SUGT1: variants seen among roughly 807,000 people sequenced by gnomAD.
SUGT1 encodes the protein protein SGT1 homolog.
SUGT1 carries 15 observed loss-of-function variants against 56.1 expected under a neutral mutation model. The observed-to-expected ratio is 0.27, with a 90% CI of 0.18 to 0.41. The LOEUF (loss-of-function observed/expected upper bound fraction) is 0.41, where lower values mean the gene tolerates loss of function less well. SUGT1 is among the 10% of genes least tolerant of loss of function. The probability of loss-of-function intolerance (pLI) is 1.00; values close to 1 mark genes in which losing one functional copy is unlikely to be tolerated. For synonymous variants in SUGT1, 123 were observed against 128.6 expected, an observed-to-expected ratio of 0.96 and a Z score of 0.30; for missense variants, 347 against 382.2, an observed-to-expected ratio of 0.91 and a Z score of 0.77.
chr13:52,687,507 CTTG>C (rs1963643876), intron 12 of SUGT1: 1 of 262,180 alleles, frequency 3.8e-6, no homozygotes, highest in Admixed American at 5.4e-5. Context: ...TTTTATGGAA[CTTG>C]TTAACCTCTG....
chr13:52,685,896 A>G (rs2138178789), intron 12 of SUGT1, among the ~76,000 whole-genome samples: 1 of 152,264 alleles, frequency 6.6e-6, no homozygotes, highest in Middle Eastern at 3.4e-3. Flanking sequence ...TGTAAACCAA[A>G]TCCACAACTG....
chr13:52,686,627 G>C lies in SUGT1; in HGVS notation c.901-1107G>C, dbSNP rs538702038. Among the ~76,000 whole-genome samples, 11 of 152,290 alleles carry C rather than the reference G, an allele frequency of 7.2e-5. No homozygotes were observed. In the East Asian group the frequency reaches 2.1e-3, roughly 29 times the overall value. Reference sequence around the variant, plus strand: ...CTCGGTAGAGCGTGTCGGACATGGGGTTACATTGAGGTTCCAATGTGTAGG... The same window carrying C: ...CTCGGTAGAGCGTGTCGGACATGGGCTTACATTGAGGTTCCAATGTGTAGG... On this transcript the variant is annotated intron_variant, in intron 12 of 12. Transcript: ENST00000310528.
At chr13:52,660,239 T>TA (rs1056901527) in intron 5 of SUGT1, among the ~76,000 whole-genome samples, 10 of 152,176 alleles carry the variant, frequency 6.6e-5, no homozygotes, top group African/African-American at 2.4e-4. Flanking sequence ...TATGTTATGA[T>TA]AGAGTTTTAT....
chr13:52,685,341 T>TGCCTTGTCCTCCC, intron 12 of SUGT1, among the ~76,000 whole-genome samples: 1 of 149,920 alleles, frequency 6.7e-6, no homozygotes, highest in Non-Finnish European at 1.5e-5. Flanking sequence ...GCAGTCCTCC[T>TGCCTTGTCCTCCC]GCCTTGTCCT....
chr13:52,680,163 T>C lies in SUGT1; in HGVS notation c.900+8T>C. ...GCCATGAACAAATCCTTTGTAAGAATATAAACTTAAAGAAATATATATGGG... is the reference window on the plus strand; with the variant it reads ...GCCATGAACAAATCCTTTGTAAGAACATAAACTTAAAGAAATATATATGGG... On this transcript the variant is annotated splice_region_variant and intron_variant, in intron 12 of 12. Transcript: ENST00000310528. The C allele has an allele frequency of 1.3e-6, 2 of 1,554,664 alleles. No homozygotes were observed. The highest frequency in any genetic ancestry group is 1.7e-6 in the Non-Finnish European group (2 of 1,161,086).
intron 10 of SUGT1, among the ~76,000 whole-genome samples, chr13:52,669,921 C>G (rs1962862794): frequency 6.6e-6 from 1 of 152,146 alleles, no homozygotes; most frequent in African/African-American, 2.4e-5. Context: ...TTCGTGGACA[C>G]TTAAGAGACA....
intron 12 of SUGT1, 39 bp from the exon 13 acceptor site, chr13:52,687,695 A>G (rs745978253): frequency 6.8e-6 from 10 of 1,463,212 alleles, no homozygotes; most frequent in Middle Eastern, 3.6e-4. Flanking sequence ...TTTTGATTAT[A>G]TGGTCCAGGA....
At chr13:52,660,792 C>G (rs1252647403) in intron 5 of SUGT1, among the ~76,000 whole-genome samples, 1 of 152,138 alleles carries the variant, frequency 6.6e-6, no homozygotes, top group Non-Finnish European at 1.5e-5. Context: ...TCATACCATT[C>G]TCTACATTTT....
In SUGT1 at chr13:52,695,586, T is replaced by G. The variant is rs528098285; in HGVS notation, c.*7751T>G. On this transcript the variant is annotated 3_prime_UTR_variant, in exon 13 of 13. Coordinates refer to ENST00000310528, the MANE Select transcript of SUGT1 (RefSeq NM_006704.5). ...TTTATTTTTTCCCCTCAGTCCTGTT[T>G]AGTGTTGAAATTCTTCAAAGGAGGG... The G allele has an allele frequency of 6.6e-6, 1 of 152,350 alleles. No homozygotes were observed. Among genetic ancestry groups the G allele is most frequent in the East Asian group, 1.9e-4 (1 of 5,188 alleles). 9.4% of individuals were successfully genotyped at this position (152,350 alleles called of 1,614,324 possible).
rs1280345257 is a variant in SUGT1, at chr13:52,699,460, AG to A, written c.*11627del. On this transcript the variant is annotated 3_prime_UTR_variant, in exon 13 of 13. Transcript: ENST00000310528. ...CGATGATGCCTGTTTAATTACCCATAGGTGCTAAGTGAATGTTAAAAATTAC... is the reference window on the plus strand; with the variant it reads ...CGATGATGCCTGTTTAATTACCCATAGTGCTAAGTGAATGTTAAAAATTAC... 8 of 152,212 alleles carry A rather than the reference AG, an allele frequency of 5.3e-5. No homozygotes were observed. The highest frequency in any genetic ancestry group is 1.9e-4 in the African/African-American group (8 of 41,466). The allele number at this position is 152,212 out of a possible 1,614,324, so 9.4% of individuals were successfully genotyped here.
At chr13:52,683,386 T>A (rs1396656676) in intron 12 of SUGT1, among the ~76,000 whole-genome samples, 5 of 152,204 alleles carry the variant, frequency 3.3e-5, no homozygotes, top group Non-Finnish European at 5.9e-5. Flanking sequence ...TTTTTCTTCC[T>A]TAGCCTGTTA....
In SUGT1 at chr13:52,690,524, G is replaced by A. The variant is rs1963747157; in HGVS notation, c.*2689G>A. The A allele has an allele frequency of 6.6e-6, 1 of 152,074 alleles. No homozygotes were observed. Among genetic ancestry groups the A allele is most frequent in the Admixed American group, 6.6e-5 (1 of 15,258 alleles). The allele number at this position is 152,074 out of a possible 1,614,324, so 9.4% of individuals were successfully genotyped here. Reference sequence around the variant, plus strand: ...TGGAATACATGTTTTTCTTGGTCTTGTAGACTTCATCTCTTCTGATTTCCA... The same window carrying A: ...TGGAATACATGTTTTTCTTGGTCTTATAGACTTCATCTCTTCTGATTTCCA... On this transcript the variant is annotated 3_prime_UTR_variant, in exon 13 of 13. Coordinates refer to ENST00000310528, the MANE Select transcript of SUGT1 (RefSeq NM_006704.5).
Position 52,692,127 on chromosome 13 carries a change from T to A in SUGT1, c.*4292T>A, listed in dbSNP as rs1963797827. ...ACTGTGTACTAGCATTTCTTATGGA[T>A]TGGGTGGCATTATCTCATTTTTAAT... On this transcript the variant is annotated 3_prime_UTR_variant, in exon 13 of 13. Transcript: ENST00000310528. 6.6e-6 allele frequency: 1 copy of A among 152,174 alleles called. No individual in the cohort carries two copies. The highest frequency in any genetic ancestry group is 2.4e-5 in the African/African-American group (1 of 41,430). The allele number at this position is 152,174 out of a possible 1,614,324, so 9.4% of individuals were successfully genotyped here. A position where few individuals can be genotyped will look rare whatever the true frequency, so the allele number is the denominator to read the frequency against.
chr13:52,684,613 A>G (rs947864482), intron 12 of SUGT1, among the ~76,000 whole-genome samples: 85 of 152,138 alleles, frequency 5.6e-4, no homozygotes, highest in African/African-American at 2.0e-3. Context: ...ATCGTGGCTC[A>G]GTGCAGCCTT....
At position 52,699,343 on chromosome 13, in the gene SUGT1, T is replaced by TA. The variant is rs994946417; in HGVS notation, c.*11509dup. ...CAAAACACTTTTATCACTGCTAAGA[T>TA]ATTACTAGAACTGAGCAGAGAAATA... On this transcript the variant is annotated 3_prime_UTR_variant, in exon 13 of 13. Coordinates refer to ENST00000310528, the MANE Select transcript of SUGT1 (RefSeq NM_006704.5). 5.9e-5 allele frequency: 9 copies of TA among 152,166 alleles called. No individual in the cohort carries two copies. Among genetic ancestry groups the TA allele is most frequent in the African/African-American group, 2.2e-4 (9 of 41,430 alleles). The allele number at this position is 152,166 out of a possible 1,614,324, so 9.4% of individuals were successfully genotyped here. A position where few individuals can be genotyped will look rare whatever the true frequency, so the allele number is the denominator to read the frequency against.
chr13:52,667,325 A>G (rs1962749220), intron 10 of SUGT1, among the ~76,000 whole-genome samples: 1 of 152,194 alleles, frequency 6.6e-6, no homozygotes, highest in Non-Finnish European at 1.5e-5. Context: ...ACTACAAGAA[A>G]GATGAATCTG....
intron 10 of SUGT1, among the ~76,000 whole-genome samples, chr13:52,667,586 T>A (rs74238280): frequency 0.058 from 8,310 of 143,674 alleles, 259 homozygotes; most frequent in Middle Eastern, 0.076. Context: ...CTTTTTTTTT[T>A]AAACTGAATT....
At chr13:52,668,155 G>A (rs2138136759) in intron 10 of SUGT1, among the ~76,000 whole-genome samples, 1 of 152,090 alleles carries the variant, frequency 6.6e-6, no homozygotes, top group Admixed American at 6.5e-5. Flanking sequence ...GCTAATTTTT[G>A]TATTTTTGTA....
intron 10 of SUGT1, 32 bp from the exon 11 acceptor site, chr13:52,676,198 G>A (rs373027233): frequency 3.3e-5 from 51 of 1,555,640 alleles, no homozygotes; most frequent in Middle Eastern, 1.7e-4. Flanking sequence ...ATTTTACGTC[G>A]AGTAATGGAG....
Sources: gnomAD v4.1 joint callset for allele counts (sites outside exome capture counted in the v4.1 genomes callset) on GRCh38, gnomAD v4.1.1 for gene constraint, MANE v1.5 for transcripts, NCBI Gene and HGNC (gene_info 2026-07-23, HGNC 2026-07-21) for gene names.